The following CTNNA2 variants were observed in gnomAD, a reference collection of about 807,000 sequenced individuals.
The protein encoded by CTNNA2 is catenin alpha-2.
Under a neutral mutation model 101.0 loss-of-function variants are expected in CTNNA2, and 42 were observed. That is an observed-to-expected ratio of 0.42 (90% CI 0.32 to 0.54). CTNNA2 has a LOEUF of 0.54. Ranked by LOEUF, CTNNA2 falls within the 20% of genes least tolerant of loss-of-function variation. The pLI is 0.14. For missense variants in CTNNA2, 871 were observed against 1,223.1 expected, an observed-to-expected ratio of 0.71 and a Z score of 4.29; for synonymous variants, 450 against 456.4, an observed-to-expected ratio of 0.99 and a Z score of 0.18.
At chr2:80,192,655 T>A (rs1706583103) in intron 7 of CTNNA2, among the ~76,000 whole-genome samples, 1 of 152,062 alleles carries the variant, frequency 6.6e-6, no homozygotes, top group Non-Finnish European at 1.5e-5. Context: ...GCCTCCCGAG[T>A]AGCTAGGGTT....
chr2:79,772,021 C>T (rs201813016), intron 3 of CTNNA2, among the ~76,000 whole-genome samples: 17,052 of 148,262 alleles, frequency 0.12, 1,062 homozygotes, highest in Admixed American at 0.17. Context: ...CTCCTCTCCT[C>T]TTCTTTTTTT....
chr2:79,690,909 T>A (rs376579078), intron 2 of CTNNA2, among the ~76,000 whole-genome samples: 3 of 151,844 alleles, frequency 2.0e-5, no homozygotes, highest in East Asian at 3.9e-4. Context: ...ATGGTTATTT[T>A]GTTTTTATTT....
intron 7 of CTNNA2, among the ~76,000 whole-genome samples, chr2:80,096,099 G>A (rs1700131380): frequency 6.6e-6 from 1 of 151,630 alleles, no homozygotes; most frequent in East Asian, 1.9e-4. Context: ...TGATGTTAGG[G>A]TGTCAATTTT....
At chr2:79,348,469 G>A (rs936579363) in intron 3 of CTNNA2, among the ~76,000 whole-genome samples, 11 of 152,162 alleles carry the variant, frequency 7.2e-5, no homozygotes, top group African/African-American at 2.4e-4. Context: ...ACAAAAAGAA[G>A]AGTTATTCAT....
chr2:80,173,723 C>T (rs1041207941), intron 7 of CTNNA2, among the ~76,000 whole-genome samples: 1 of 152,076 alleles, frequency 6.6e-6, no homozygotes, highest in Non-Finnish European at 1.5e-5. Context: ...GAACCTGCTG[C>T]CTGTCAAGGG....
chr2:80,277,707 T>C (rs572707798), intron 7 of CTNNA2, among the ~76,000 whole-genome samples: 1 of 152,298 alleles, frequency 6.6e-6, no homozygotes, highest in South Asian at 2.1e-4. Context: ...GGATGGTTTA[T>C]ATTTCCTTAC....
intron 7 of CTNNA2, among the ~76,000 whole-genome samples, chr2:80,094,989 C>G (rs1389354331): frequency 6.6e-6 from 1 of 152,092 alleles, no homozygotes; most frequent in Non-Finnish European, 1.5e-5. Context: ...ATTGAGTGCC[C>G]TTTATTTCCT....
At chr2:79,575,464 C>G (rs1177796403) in intron 1 of CTNNA2, 2 of 152,134 alleles carry the variant, frequency 1.3e-5, no homozygotes, top group Non-Finnish European at 2.9e-5. Context: ...CTACTGGCAT[C>G]CTCATACTTT....
chr2:79,327,975 C>T (rs936792605), intron 3 of CTNNA2, among the ~76,000 whole-genome samples: 14 of 151,690 alleles, frequency 9.2e-5, no homozygotes, highest in East Asian at 3.9e-4. Flanking sequence ...CATGGGGTTG[C>T]GGGGGTGAGG....
intron 7 of CTNNA2, among the ~76,000 whole-genome samples, chr2:79,998,286 AG>A (rs1692694649): frequency 6.6e-6 from 1 of 152,232 alleles, no homozygotes; most frequent in Non-Finnish European, 1.5e-5. Flanking sequence ...CATGGATAGT[AG>A]GGAATGAGAT....
In CTNNA2 at chr2:80,096,241, C is replaced by T. The variant is rs189806556; in HGVS notation, c.1056+186444C>T. 2.4e-3 allele frequency among the ~76,000 whole-genome samples: 366 copies of T among 152,250 alleles called. 2 individuals carry two copies. The highest frequency in any genetic ancestry group is 8.5e-3 in the African/African-American group (354 of 41,528). On this transcript the variant is annotated intron_variant, in intron 7 of 18. Coordinates refer to ENST00000402739, the MANE Select transcript of CTNNA2 (RefSeq NM_001282597.3). The stretch of plus-strand genomic sequence containing the variant: ...TTGGTTTCAAAGAACATCTTTATTT[C>T]TGCCTTCATTTTGTTACATACTCAG...
At chr2:80,231,737 C>A (rs1709224761) in intron 7 of CTNNA2, among the ~76,000 whole-genome samples, 1 of 152,134 alleles carries the variant, frequency 6.6e-6, no homozygotes, top group African/African-American at 2.4e-5. Context: ...AGACAGCAGG[C>A]CCCGCAGGAA....
At chr2:79,593,671 G>T (rs1050918466) in intron 1 of CTNNA2, among the ~76,000 whole-genome samples, 2 of 151,992 alleles carry the variant, frequency 1.3e-5, no homozygotes, top group African/African-American at 4.8e-5. Flanking sequence ...TGCTGACTCA[G>T]CATCTTTCTT....
At chr2:79,381,057 C>T (rs922190730) in intron 4 of CTNNA2, among the ~76,000 whole-genome samples, 6 of 152,064 alleles carry the variant, frequency 3.9e-5, no homozygotes, top group South Asian at 2.1e-4. Context: ...TAGAATTTTT[C>T]GGGGACAGAT....
chr2:79,266,295 A>C (rs1674985607), intron 2 of CTNNA2, among the ~76,000 whole-genome samples: 1 of 152,112 alleles, frequency 6.6e-6, no homozygotes, highest in Non-Finnish European at 1.5e-5. Context: ...GACTTCTGGG[A>C]TCTGAAGAAC....
chr2:80,525,368 T>G (rs185503190), intron 9 of CTNNA2, among the ~76,000 whole-genome samples: 63 of 152,102 alleles, frequency 4.1e-4, no homozygotes, highest in Middle Eastern at 3.4e-3. Flanking sequence ...CCTCTTTCAA[T>G]CTGAATGATC....
chr2:79,740,827 G>A (rs1208080769), intron 2 of CTNNA2, among the ~76,000 whole-genome samples: 2 of 144,130 alleles, frequency 1.4e-5, no homozygotes, highest in African/African-American at 2.5e-5. Flanking sequence ...TGAATTTGAA[G>A]AAGTTTTTTT....
At chr2:79,298,624 T>C (rs1307283627) in intron 2 of CTNNA2, among the ~76,000 whole-genome samples, 3 of 152,158 alleles carry the variant, frequency 2.0e-5, no homozygotes, top group Non-Finnish European at 2.9e-5. Flanking sequence ...CTTTCCTTAA[T>C]TCACTCTTCT....
intron 3 of CTNNA2, among the ~76,000 whole-genome samples, chr2:79,363,397 G>A (rs1186708121): frequency 6.6e-6 from 1 of 152,074 alleles, no homozygotes; most frequent in Non-Finnish European, 1.5e-5. Context: ...CATCAACATG[G>A]ATTTTTAAAA....
Sources: allele counts gnomAD v4.1 joint callset (sites outside exome capture counted in the v4.1 genomes callset), GRCh38; gene constraint gnomAD v4.1.1; transcripts MANE v1.5; gene names NCBI Gene and HGNC (gene_info 2026-07-23, HGNC 2026-07-21).